Variants in EPM2A observed in about 807,000 individuals in gnomAD.
EPM2A encodes the protein laforin.
EPM2A carries 21 observed loss-of-function variants against 26.5 expected under a neutral mutation model. The ratio of observed to expected loss-of-function variants is 0.79; its 90% CI spans 0.56 to 1.14. The LOEUF (loss-of-function observed/expected upper bound fraction) is 1.14. EPM2A is among the 50% of genes most tolerant of loss of function. The pLI is 0.00. For missense variants in EPM2A, 458 were observed against 440.8 expected (o/e 1.04, Z -0.35); for synonymous variants, 217 against 177.6 (o/e 1.22, Z -1.76).
chr6:145,430,749 C>T (rs897407499), intron 4 of EPM2A, among the ~76,000 whole-genome samples: 2 of 152,120 alleles, frequency 1.3e-5, no homozygotes, highest in Non-Finnish European at 2.9e-5. Flanking sequence ...AGTGAATTTG[C>T]TCCTCTTCAA....
intron 2 of EPM2A, among the ~76,000 whole-genome samples, chr6:145,526,547 C>T (rs1402946114): frequency 6.6e-6 from 1 of 151,828 alleles, no homozygotes; most frequent in African/African-American, 2.4e-5. Context: ...TGGGAATTTG[C>T]CATTTCTTCT....
At chr6:145,735,547 G>A, upstream of EPM2A, 2 of 1,136,738 alleles carry the variant, frequency 1.8e-6, no homozygotes, top group Non-Finnish European at 2.2e-6. Flanking sequence ...CCCGCGGCCG[G>A]CAGGCGCGGC....
At chr6:145,439,887 TTGC>T (rs1779040008) in intron 4 of EPM2A, among the ~76,000 whole-genome samples, 1 of 152,248 alleles carries the variant, frequency 6.6e-6, no homozygotes, top group Non-Finnish European at 1.5e-5. Context: ...CATGAAATCT[TTGC>T]CAGTTCCAAT....
chr6:145,638,019 G>C (rs1487911786), intron 2 of EPM2A: 1 of 152,152 alleles, frequency 6.6e-6, no homozygotes, highest in African/African-American at 2.4e-5. Flanking sequence ...CCAAGAAATA[G>C]AAACTATTAT....
chr6:145,588,797 C>T (rs1446717094), intron 2 of EPM2A, among the ~76,000 whole-genome samples: 2 of 152,128 alleles, frequency 1.3e-5, no homozygotes, highest in East Asian at 1.9e-4. Flanking sequence ...AAAAGGGAAA[C>T]AGGTGAAGAT....
chr6:145,399,174 C>A (rs1324081999), intron 4 of EPM2A, among the ~76,000 whole-genome samples: 1 of 152,024 alleles, frequency 6.6e-6, no homozygotes, highest in Non-Finnish European at 1.5e-5. Flanking sequence ...AAAAAGTTTG[C>A]GAGAGAGGTG....
chr6:145,476,105 C>T (rs189322879), intron 4 of EPM2A, among the ~76,000 whole-genome samples: 1 of 152,066 alleles, frequency 6.6e-6, no homozygotes, highest in Non-Finnish European at 1.5e-5. Context: ...GAAACCAAAA[C>T]AGAGCAGGAT....
intron 2 of EPM2A, among the ~76,000 whole-genome samples, chr6:145,506,585 T>C (rs536470575): frequency 5.9e-5 from 9 of 152,058 alleles, no homozygotes; most frequent in African/African-American, 2.2e-4. Context: ...AAAGTACTTA[T>C]GTTGAGAAAC....
intron 2 of EPM2A, among the ~76,000 whole-genome samples, chr6:145,601,614 T>A (rs763384500): frequency 1.5e-4 from 23 of 152,208 alleles, no homozygotes; most frequent in Non-Finnish European, 2.2e-4. Flanking sequence ...CCTTATTAAC[T>A]TACGATGTTC....
intron 4 of EPM2A, among the ~76,000 whole-genome samples, chr6:145,472,184 A>G (rs1447385568): frequency 6.6e-6 from 1 of 151,590 alleles, no homozygotes; most frequent in East Asian, 2.0e-4. Context: ...TGCTTCCTTG[A>G]AGGAAAAGAC....
chr6:145,649,004 C>T (rs567786258), intron 2 of EPM2A, among the ~76,000 whole-genome samples: 3 of 152,218 alleles, frequency 2.0e-5, no homozygotes, highest in African/African-American at 7.2e-5. Flanking sequence ...CTTCAAGTAC[C>T]AAGTAGTGAT....
intron 4 of EPM2A, among the ~76,000 whole-genome samples, chr6:145,432,279 A>G (rs1420244348): frequency 6.6e-6 from 1 of 152,176 alleles, no homozygotes; most frequent in Non-Finnish European, 1.5e-5. Context: ...CAGAAGGTTT[A>G]CAACTTACTT....
At chr6:145,733,737 T>C (rs1776635383) in intron 1 of EPM2A, among the ~76,000 whole-genome samples, 1 of 152,158 alleles carries the variant, frequency 6.6e-6, no homozygotes, top group African/African-American at 2.4e-5. Flanking sequence ...GACCAATAAA[T>C]GCTACCAGAC....
chr6:145,405,551 T>C (rs1778556158), intron 4 of EPM2A, among the ~76,000 whole-genome samples: 1 of 152,168 alleles, frequency 6.6e-6, no homozygotes, highest in Non-Finnish European at 1.5e-5. Flanking sequence ...TAGACTGTTC[T>C]TTCTAAATAA....
intron 3 of EPM2A, chr6:145,634,562 T>A (rs1161617031): frequency 1.3e-5 from 2 of 152,686 alleles, no homozygotes; most frequent in African/African-American, 4.8e-5. Context: ...TACAACTGCT[T>A]CTTCCTGCTA....
chr6:145,475,423 T>C (rs1160751061), intron 4 of EPM2A, among the ~76,000 whole-genome samples: 1 of 152,010 alleles, frequency 6.6e-6, no homozygotes, highest in East Asian at 1.9e-4. Context: ...TGAGAACACA[T>C]GGACACATGG....
chr6:145,509,709 G>T (rs371987458), intron 2 of EPM2A, among the ~76,000 whole-genome samples: 3 of 152,060 alleles, frequency 2.0e-5, no homozygotes, highest in Admixed American at 6.5e-5. Flanking sequence ...AAAGCACTAC[G>T]AAAGGAACAA....
At chr6:145,685,098 CACTT>C (rs1237169742) in intron 2 of EPM2A, among the ~76,000 whole-genome samples, 7 of 152,148 alleles carry the variant, frequency 4.6e-5, no homozygotes, top group African/African-American at 1.4e-4. Context: ...CAATAAATAA[CACTT>C]ACATAATATT....
intron 2 of EPM2A, among the ~76,000 whole-genome samples, chr6:145,655,111 T>A (rs1160430686): frequency 1.3e-5 from 2 of 152,150 alleles, no homozygotes; most frequent in African/African-American, 4.8e-5. Context: ...ATATCATGCT[T>A]TGTTGACACT....
Sources: gnomAD v4.1 joint callset for allele counts (sites outside exome capture counted in the v4.1 genomes callset) on GRCh38, gnomAD v4.1.1 for gene constraint, MANE v1.5 for transcripts, NCBI Gene and HGNC (gene_info 2026-07-23, HGNC 2026-07-21) for gene names.